Variants in PCDHGB5 observed in about 807,000 individuals in gnomAD.
PCDHGB5 encodes protocadherin gamma-B5.
In PCDHGB5, 48 loss-of-function variants were observed where a neutral mutation model predicts 62.9. The observed-to-expected ratio is 0.76, with a 90% CI of 0.61 to 0.97. PCDHGB5 has a LOEUF of 0.97. Ranked by LOEUF, PCDHGB5 falls within the 50% of genes least tolerant of loss-of-function variation. PCDHGB5 has a pLI of 0.00. For synonymous variants in PCDHGB5, 474 were observed against 511.2 expected (o/e 0.93, Z 0.98); for missense variants, 1,118 against 1,198.6 (o/e 0.93, Z 0.99).
At chr5:141,473,010 AAAAG>A (rs1014377988) in intron 1 of PCDHGB5, among the ~76,000 whole-genome samples, 22 of 151,958 alleles carry the variant, frequency 1.4e-4, no homozygotes, top group Admixed American at 7.9e-4. Context: ...AAGAAAAAGA[AAAAG>A]AAAGAAGGAA....
rs1403789987 is a variant in PCDHGB5 at position 141,511,845 on chromosome 5, T to C, written c.*672T>C. The C allele has an allele frequency of 6.4e-6, 1 of 156,740 alleles. No individual in the cohort carries two copies. The highest frequency in any genetic ancestry group is 1.4e-5 in the Non-Finnish European group (1 of 70,694). 9.7% of individuals were successfully genotyped at this position (156,740 alleles called of 1,614,324 possible). A position where few individuals can be genotyped will look rare whatever the true frequency, so the allele number is the denominator to read the frequency against. On this transcript the variant is annotated 3_prime_UTR_variant, in exon 4 of 4. Transcript: ENST00000617380. ...AACGCCCTGGGGACCAGTCTTCTGT[T>C]TTGTTTTTCATTGTTTGACGTTTCC...
In PCDHGB5 at chr5:141,433,032, C is replaced by T. The variant is rs751061646; in HGVS notation, c.2397+32508C>T. The T allele has an allele frequency of 2.5e-6, 4 of 1,614,188 alleles. No homozygotes were observed. Among genetic ancestry groups the T allele is most frequent in the African/African-American group, 2.7e-5 (2 of 75,058 alleles). On this transcript the variant is annotated intron_variant, in intron 1 of 3. Transcript: ENST00000617380. ...CTGCAGACCTATTCCCACGAGGTTTCCCTCACCACGGACTCGCGGAAGAGT... is the reference window on the plus strand; with the variant it reads ...CTGCAGACCTATTCCCACGAGGTTTTCCTCACCACGGACTCGCGGAAGAGT...
intron 1 of PCDHGB5, chr5:141,430,922 G>A: frequency 1.2e-6 from 2 of 1,607,168 alleles, no homozygotes; most frequent in South Asian, 2.2e-5. Context: ...CCTGGGGCTG[G>A]AGCCCCGGGA....
Position 141,491,531 on chromosome 5 carries a change from T to G in PCDHGB5, c.2398-3276T>G, listed in dbSNP as rs532897059. On this transcript the variant is annotated intron_variant, in intron 1 of 3. Coordinates refer to ENST00000617380, the MANE Select transcript of PCDHGB5 (RefSeq NM_018925.3). This position sits in a 1 kb window ranked among gnomAD's most constrained non-coding sequence, Gnocchi z 6.9. ...ACGCTCAAGTACATGGAGGTGACGC[T>G]GCGGCCCACAGACTCGCAGAGCCAC... The G allele has an allele frequency of 6.2e-7, 1 of 1,614,044 alleles. No homozygotes were observed. The highest frequency in any genetic ancestry group is 1.7e-5 in the Admixed American group (1 of 60,028).
chr5:141,436,921 C>T lies in PCDHGB5; in HGVS notation c.2397+36397C>T, dbSNP rs73794904. Among the ~76,000 whole-genome samples the T allele has an allele frequency of 9.3e-3, 1,413 of 152,246 alleles. 25 individuals carry two copies. The highest frequency in any genetic ancestry group is 0.032 in the African/African-American group (1,313 of 41,572). On this transcript the variant is annotated intron_variant, in intron 1 of 3. Coordinates refer to ENST00000617380, the MANE Select transcript of PCDHGB5 (RefSeq NM_018925.3). ...ATATGAGACAATTTTGTGAGTGTTA[C>T]TTTTTCTTTGTCTGAACCATAGTGA...
At chr5:141,416,274 A>G (rs2096010347) in intron 1 of PCDHGB5, 2 of 152,404 alleles carry the variant, frequency 1.3e-5, no homozygotes, top group Non-Finnish European at 1.5e-5. Flanking sequence ...CTTTTTGCAT[A>G]CAATTCTCTA....
chr5:141,478,849 C>A, intron 1 of PCDHGB5: 1 of 1,375,282 alleles, frequency 7.3e-7, no homozygotes, highest in Non-Finnish European at 9.6e-7. Flanking sequence ...TAAGCTAAAA[C>A]ACAAGATCTC....
At position 141,486,092 on chromosome 5, in the gene PCDHGB5, C is replaced by T. The variant is rs2099624294; in HGVS notation, c.2398-8715C>T. The T allele has an allele frequency of 3.7e-6, 6 of 1,614,148 alleles. No homozygotes were observed. In the East Asian group the frequency reaches 1.3e-4, roughly 36 times the overall value. On this transcript the variant is annotated intron_variant, in intron 1 of 3. Coordinates refer to ENST00000617380, the MANE Select transcript of PCDHGB5 (RefSeq NM_018925.3). This position sits in a 1 kb window ranked among gnomAD's most constrained non-coding sequence, Gnocchi z 5.0. Reference sequence around the variant, plus strand: ...TACTGGAAAGCTTACTCTTTTGGGGCCCCTAGACTTTGAGAGTGAGAATTA... The same window carrying T: ...TACTGGAAAGCTTACTCTTTTGGGGTCCCTAGACTTTGAGAGTGAGAATTA...
At chr5:141,497,742 T>C (rs2099779149) in intron 2 of PCDHGB5, among the ~76,000 whole-genome samples, 1 of 152,128 alleles carries the variant, frequency 6.6e-6, no homozygotes, top group South Asian at 2.1e-4. Context: ...TTTCGCCACG[T>C]TGGCCAGGCT....
intron 1 of PCDHGB5, chr5:141,419,210 G>A: frequency 6.2e-7 from 1 of 1,613,926 alleles, no homozygotes; most frequent in Non-Finnish European, 8.5e-7. Flanking sequence ...CAACGCGCCG[G>A]TTTTCGGACA....
At chr5:141,469,012 C>T (rs1196140759) in intron 1 of PCDHGB5, among the ~76,000 whole-genome samples, 1 of 151,852 alleles carries the variant, frequency 6.6e-6, no homozygotes, top group Non-Finnish European at 1.5e-5. Flanking sequence ...TGCGGTGGGT[C>T]ACTCCTGTAA....
At chr5:141,401,296 C>A (rs2094138441) in intron 1 of PCDHGB5, among the ~76,000 whole-genome samples, 1 of 152,104 alleles carries the variant, frequency 6.6e-6, no homozygotes, top group Non-Finnish European at 1.5e-5. Flanking sequence ...GAGCCGAGAT[C>A]ACTCCATTGC....
intron 1 of PCDHGB5, among the ~76,000 whole-genome samples, chr5:141,456,918 G>A (rs535602842): frequency 6.6e-6 from 1 of 152,006 alleles, no homozygotes; most frequent in African/African-American, 2.4e-5. Context: ...AGCCGAGATC[G>A]CACCACTGCA....
Position 141,486,912 on chromosome 5 carries a change from T to C in PCDHGB5, c.2398-7895T>C. The stretch of plus-strand genomic sequence containing the variant: ...CCTGGTTCCTTATGTCCCCAAGCAC[T>C]GCCTCCATCAGTTGGTGCTGGCCAC... On this transcript the variant is annotated intron_variant, in intron 1 of 3. Coordinates refer to ENST00000617380, the MANE Select transcript of PCDHGB5 (RefSeq NM_018925.3). This position sits in a 1 kb window ranked among gnomAD's most constrained non-coding sequence, Gnocchi z 5.0. The C allele has an allele frequency of 1.2e-6, 2 of 1,614,246 alleles. No homozygotes were observed. Among genetic ancestry groups the C allele is most frequent in the Non-Finnish European group, 1.7e-6 (2 of 1,180,040 alleles).
rs35224477 is a variant in PCDHGB5, at chr5:141,464,263, TA to T, written c.2398-30530del. On this transcript the variant is annotated intron_variant, in intron 1 of 3. Coordinates refer to ENST00000617380, the MANE Select transcript of PCDHGB5 (RefSeq NM_018925.3). ...CTGGGCTACAGAGCGAGACTCCGTC[TA>T]AAAAAAAAAAAAAGCAAAAAAAAAA... Among the ~76,000 whole-genome samples, 390 of 103,506 alleles carry T rather than the reference TA, an allele frequency of 3.8e-3. 1 individual carries two copies. Among genetic ancestry groups the T allele is most frequent in the Admixed American group, 4.7e-3 (45 of 9,486 alleles). 67.9% of individuals were successfully genotyped at this position (103,506 alleles called of 152,430 possible). A position where few individuals can be genotyped will look rare whatever the true frequency, so the allele number is the denominator to read the frequency against.
In PCDHGB5 at chr5:141,399,454, G is replaced by A; in HGVS notation, c.1327G>A (p.Asp443Asn). The A allele has an allele frequency of 6.2e-7, 1 of 1,613,992 alleles. No individual in the cohort carries two copies. The change falls in exon 1 of 4, where the codon GAT becomes AAT. Residue 443 changes from aspartate (D) to asparagine (N), a missense_variant. Coordinates refer to ENST00000617380, the MANE Select transcript of PCDHGB5 (RefSeq NM_018925.3). ...CATCCTACATATCAGAGACGTCAAC[G>A]ATAACGCTCCGGTTTTCCACCAGGC... is the stretch of plus-strand genomic sequence containing the variant. Reference protein sequence around the residue: ...SVILHIRDVNDNAPVFHQASY... With the variant: ...SVILHIRDVNNNAPVFHQASY...
Position 141,431,570 on chromosome 5 carries a change from G to T in PCDHGB5, c.2397+31046G>T. On this transcript the variant is annotated intron_variant, in intron 1 of 3. Coordinates refer to ENST00000617380, the MANE Select transcript of PCDHGB5 (RefSeq NM_018925.3). This position sits in a 1 kb window ranked among gnomAD's most constrained non-coding sequence, Gnocchi z 4.8. The stretch of plus-strand genomic sequence containing the variant: ...TGTAGTCAACGCTACCGACCCTGAC[G>T]AAGGAGTCAATGCGGAAGTGAGGTA... The T allele has an allele frequency of 6.2e-7, 1 of 1,614,172 alleles. No homozygotes were observed. Among genetic ancestry groups the T allele is most frequent in the Non-Finnish European group, 8.5e-7 (1 of 1,180,024 alleles).
chr5:141,462,051 G>A (rs1370612703), intron 1 of PCDHGB5, among the ~76,000 whole-genome samples: 2 of 152,068 alleles, frequency 1.3e-5, no homozygotes, highest in African/African-American at 4.8e-5. Context: ...TTGAACTCCC[G>A]ACCTCAGGTG....
Position 141,432,248 on chromosome 5 carries a change from C to T in PCDHGB5, c.2397+31724C>T. Reference sequence around the variant, plus strand: ...TTATTCCCTGGCTGAGAACACCATCCAAGGGGCAAGCCTATCGTCCTACGT... The same window carrying T: ...TTATTCCCTGGCTGAGAACACCATCTAAGGGGCAAGCCTATCGTCCTACGT... On this transcript the variant is annotated intron_variant, in intron 1 of 3. Transcript: ENST00000617380. This position sits in a 1 kb window ranked among gnomAD's most constrained non-coding sequence, Gnocchi z 6.0. 1.2e-6 allele frequency: 2 copies of T among 1,614,244 alleles called. No individual in the cohort carries two copies. Among genetic ancestry groups the T allele is most frequent in the South Asian group, 1.1e-5 (1 of 91,090 alleles).
Sources: gnomAD v4.1 joint callset for allele counts (sites outside exome capture counted in the v4.1 genomes callset) on GRCh38, gnomAD v4.1.1 for gene constraint, Gnocchi (gnomAD v3.1) non-coding constraint, MANE v1.5 for transcripts, NCBI Gene and HGNC (gene_info 2026-07-23, HGNC 2026-07-21) for gene names.